Variants in ADAM12 observed in about 807,000 individuals in gnomAD.
ADAM12 encodes the protein ADAM metallopeptidase domain 12.
A neutral mutation model predicts 106.4 loss-of-function variants in ADAM12; 70 were observed. That is an observed-to-expected ratio of 0.66 (90% CI 0.54 to 0.80). The LOEUF (loss-of-function observed/expected upper bound fraction) is 0.80, where lower values mean the gene tolerates loss of function less well. ADAM12 is among the 30% of genes least tolerant of loss of function. The probability of loss-of-function intolerance (pLI) is 0.00; values close to 1 mark genes in which losing one functional copy is unlikely to be tolerated. For missense variants in ADAM12, 1,010 were observed against 1,171.9 expected (o/e 0.86, Z 2.02); for synonymous variants, 420 against 433.5 (o/e 0.97, Z 0.39).
chr10:126,077,020 A>G (rs1955114963), intron 11 of ADAM12, among the ~76,000 whole-genome samples: 1 of 152,236 alleles, frequency 6.6e-6, no homozygotes, highest in South Asian at 2.1e-4. Context: ...ATTCTGCCAA[A>G]AGGCTCCTGG....
At chr10:126,197,398 A>C (rs1211713828) in intron 3 of ADAM12, among the ~76,000 whole-genome samples, 1 of 152,172 alleles carries the variant, frequency 6.6e-6, no homozygotes, top group Non-Finnish European at 1.5e-5. Context: ...GAAGGGAGGC[A>C]AGTTGAGGGT....
At chr10:126,214,757 A>C (rs1267783673) in intron 3 of ADAM12, among the ~76,000 whole-genome samples, 1 of 152,248 alleles carries the variant, frequency 6.6e-6, no homozygotes, top group East Asian at 1.9e-4. Flanking sequence ...ATTATGACTC[A>C]GCTTGGAGTC....
At chr10:126,324,097 G>C (rs896640049) in intron 2 of ADAM12, among the ~76,000 whole-genome samples, 1 of 152,236 alleles carries the variant, frequency 6.6e-6, no homozygotes, top group African/African-American at 2.4e-5. Flanking sequence ...TGCAGCATCT[G>C]TTTCTGCCAT....
At chr10:126,032,528 C>T (rs1200522996) in intron 21 of ADAM12, among the ~76,000 whole-genome samples, 3 of 152,110 alleles carry the variant, frequency 2.0e-5, no homozygotes, top group African/African-American at 4.8e-5. Context: ...AGAGTCCCTG[C>T]TGGTGGAGAA....
chr10:126,342,432 A>G (rs1005546331), intron 1 of ADAM12, among the ~76,000 whole-genome samples: 2 of 152,230 alleles, frequency 1.3e-5, no homozygotes, highest in Non-Finnish European at 2.9e-5. Flanking sequence ...TCAATTTGAC[A>G]GATATTTATT....
At chr10:126,042,020 A>G (rs543060462) in intron 18 of ADAM12, 3 of 1,472,834 alleles carry the variant, frequency 2.0e-6, no homozygotes, top group African/African-American at 2.8e-5. Context: ...GTCTGTTGTC[A>G]TGGAAACGAT....
At chr10:126,025,318 G>A (rs1271843461) in intron 21 of ADAM12, among the ~76,000 whole-genome samples, 1 of 152,138 alleles carries the variant, frequency 6.6e-6, no homozygotes, top group Non-Finnish European at 1.5e-5. Context: ...CAATACAGGA[G>A]CTGACAGCCA....
At chr10:126,237,425 G>A (rs1054812229) in intron 3 of ADAM12, among the ~76,000 whole-genome samples, 3 of 152,120 alleles carry the variant, frequency 2.0e-5, no homozygotes, top group Admixed American at 6.5e-5. Flanking sequence ...ACTTGGGGCC[G>A]ACCTCATTTC....
At position 126,213,705 on chromosome 10, in the gene ADAM12, G is replaced by A. The variant is rs143301251; in HGVS notation, c.261-58400C>T. On this transcript the variant is annotated intron_variant, in intron 3 of 22. Coordinates refer to ENST00000448723, the MANE Select transcript of ADAM12 (RefSeq NM_001288973.2). ...ACTAAAACTAATTACTGTTATAAGT[G>A]AAAATACATATTTCAAAAAGCTCCC... 7.0e-3 allele frequency among the ~76,000 whole-genome samples: 1,064 copies of A among 152,272 alleles called. 37 individuals are homozygous for A. The highest frequency in any genetic ancestry group is 0.063 in the Admixed American group (965 of 15,294).
chr10:126,185,866 C>T (rs1490331099), intron 3 of ADAM12, among the ~76,000 whole-genome samples: 1 of 152,140 alleles, frequency 6.6e-6, no homozygotes, highest in Non-Finnish European at 1.5e-5. Flanking sequence ...GAATCAACTC[C>T]TGAGGGAATG....
intron 4 of ADAM12, among the ~76,000 whole-genome samples, chr10:126,148,917 T>A (rs1007741603): frequency 1.3e-5 from 2 of 152,250 alleles, no homozygotes; most frequent in South Asian, 2.1e-4. Context: ...GGAACACTGC[T>A]GCCTAGAGGA....
At chr10:126,108,466 G>A in intron 8 of ADAM12, 127 bp downstream of exon 8, 1 of 802,086 alleles carries the variant, frequency 1.2e-6, no homozygotes, top group South Asian at 1.7e-5. Flanking sequence ...TCAGAGGACA[G>A]GAAACAGTTC....
chr10:126,352,128 A>T (rs1248726180), intron 1 of ADAM12, among the ~76,000 whole-genome samples: 1 of 152,138 alleles, frequency 6.6e-6, no homozygotes. Flanking sequence ...GGAACAAATT[A>T]TTCACTTTTC....
In ADAM12 at chr10:126,303,505, G is replaced by A. The variant is rs182312846; in HGVS notation, c.187-24517C>T. The stretch of plus-strand genomic sequence containing the variant: ...GTCATTAAATTACTTTCCGAGAGGA[G>A]AAGATTCACACAGAGCATTCAGGGC... On this transcript the variant is annotated intron_variant, in intron 2 of 22. Transcript: ENST00000448723. Among the ~76,000 whole-genome samples the A allele has an allele frequency of 2.6e-5, 4 of 152,320 alleles. No individual in the cohort carries two copies. The East Asian group carries it at 7.7e-4, about 29-fold the overall frequency.
At chr10:126,138,403 C>T (rs1956446183) in intron 4 of ADAM12, among the ~76,000 whole-genome samples, 1 of 151,974 alleles carries the variant, frequency 6.6e-6, no homozygotes, top group African/African-American at 2.4e-5. Context: ...GAGACAGAGC[C>T]TCGCTCTGTC....
chr10:126,151,074 A>G (rs1791776938), intron 4 of ADAM12, among the ~76,000 whole-genome samples: 1 of 152,212 alleles, frequency 6.6e-6, no homozygotes, highest in East Asian at 1.9e-4. Context: ...CAGGATTTAT[A>G]TGCTGAGGAA....
chr10:126,197,221 G>A (rs1385661925), intron 3 of ADAM12, among the ~76,000 whole-genome samples: 1 of 152,224 alleles, frequency 6.6e-6, no homozygotes, highest in Non-Finnish European at 1.5e-5. Context: ...GTTGGAAAGG[G>A]CACTGACTAG....
intron 22 of ADAM12, among the ~76,000 whole-genome samples, chr10:126,018,813 G>A (rs1457750910): frequency 2.0e-5 from 3 of 152,226 alleles, no homozygotes; most frequent in Non-Finnish European, 2.9e-5. Context: ...TTTGCCCATT[G>A]TCCCTGTTTT....
At chr10:126,354,483 C>G (rs981554751) in intron 1 of ADAM12, among the ~76,000 whole-genome samples, 3 of 151,918 alleles carry the variant, frequency 2.0e-5, no homozygotes, top group African/African-American at 7.3e-5. Context: ...GGTTGGCAAC[C>G]ACAGGACTGA....
Sources: gnomAD v4.1 joint callset for allele counts (sites outside exome capture counted in the v4.1 genomes callset) on GRCh38, gnomAD v4.1.1 for gene constraint, MANE v1.5 for transcripts, NCBI Gene and HGNC (gene_info 2026-07-23, HGNC 2026-07-21) for gene names.